LRBA: variants seen among roughly 807,000 people sequenced by gnomAD.
LRBA encodes lipopolysaccharide-responsive and beige-like anchor protein.
In LRBA, 176 loss-of-function variants were observed where a neutral mutation model predicts 330.0. That is an observed-to-expected ratio of 0.53 (90% CI 0.47 to 0.60). The LOEUF (loss-of-function observed/expected upper bound fraction) is 0.60, where lower values mean the gene tolerates loss of function less well. Among genes scored for constraint, LRBA ranks in the 20% least tolerant of loss-of-function variants. LRBA has a pLI of 0.00. For synonymous variants in LRBA, 1,230 were observed against 1,193.0 expected, an observed-to-expected ratio of 1.03 and a Z score of -0.64; for missense variants, 3,259 against 3,444.8, an observed-to-expected ratio of 0.95 and a Z score of 1.35.
chr4:150,415,046 A>G (rs1747540533), intron 47 of LRBA, among the ~76,000 whole-genome samples: 1 of 152,344 alleles, frequency 6.6e-6, no homozygotes, highest in East Asian at 1.9e-4. Flanking sequence ...GATACAGGAC[A>G]TAATTTGAAA....
intron 37 of LRBA, among the ~76,000 whole-genome samples, chr4:150,608,617 A>G (rs1320009638): frequency 6.6e-6 from 1 of 152,232 alleles, no homozygotes; most frequent in Non-Finnish European, 1.5e-5. Flanking sequence ...TGTATACACC[A>G]TAATGCTCAC....
At chr4:150,489,321 A>ATATATTATATATAAGAATATATAT (rs1561250792) in intron 41 of LRBA, among the ~76,000 whole-genome samples, 1 of 20,452 alleles carries the variant, frequency 4.9e-5, no homozygotes, top group East Asian at 1.4e-3. Flanking sequence ...AGAATATATA[A>ATATATTATATATAAGAATATATAT]AATATATTAC....
chr4:150,857,969 G>C (rs1474739211), intron 22 of LRBA, among the ~76,000 whole-genome samples: 1 of 152,098 alleles, frequency 6.6e-6, no homozygotes, highest in African/African-American at 2.4e-5. Flanking sequence ...ATCACATTTT[G>C]TTAGCAAATA....
intron 53 of LRBA, among the ~76,000 whole-genome samples, chr4:150,287,257 C>A (rs942168535): frequency 2.0e-5 from 3 of 152,190 alleles, no homozygotes; most frequent in African/African-American, 7.2e-5. Context: ...CACTGGAAAC[C>A]TACTGTACTT....
At chr4:150,750,254 C>T (rs576064117) in intron 35 of LRBA, among the ~76,000 whole-genome samples, 1 of 152,254 alleles carries the variant, frequency 6.6e-6, no homozygotes, top group Admixed American at 6.5e-5. Flanking sequence ...TATGACAGCA[C>T]AGACTTATTC....
At chr4:150,723,775 G>T (rs1163774605) in intron 36 of LRBA, among the ~76,000 whole-genome samples, 2 of 152,200 alleles carry the variant, frequency 1.3e-5, no homozygotes, top group African/African-American at 4.8e-5. Flanking sequence ...CAAAGTCCAG[G>T]CTTAGGCTCT....
chr4:150,453,925 A>G (rs1033841642), intron 44 of LRBA, among the ~76,000 whole-genome samples: 2 of 152,138 alleles, frequency 1.3e-5, no homozygotes, highest in Admixed American at 6.5e-5. Context: ...TTTCACTTGA[A>G]TATTTCATGT....
intron 47 of LRBA, among the ~76,000 whole-genome samples, chr4:150,407,520 CAA>C (rs1172903563): frequency 1.3e-5 from 2 of 151,982 alleles, no homozygotes; most frequent in Non-Finnish European, 2.9e-5. Context: ...TAGTTAAACA[CAA>C]AAAACTAAGT....
At chr4:150,422,452 C>A (rs899934661) in intron 46 of LRBA, among the ~76,000 whole-genome samples, 1 of 151,508 alleles carries the variant, frequency 6.6e-6, no homozygotes, top group Admixed American at 6.6e-5. Context: ...AAAGGAAGAA[C>A]AACAACAACA....
intron 34 of LRBA, among the ~76,000 whole-genome samples, chr4:150,763,911 A>G (rs1209434575): frequency 6.6e-6 from 1 of 152,002 alleles, no homozygotes; most frequent in Non-Finnish European, 1.5e-5. Context: ...GCAAGTGATC[A>G]GCAAGAAGTA....
chr4:150,381,931 G>C (rs1353359006), intron 47 of LRBA, among the ~76,000 whole-genome samples: 1 of 152,122 alleles, frequency 6.6e-6, no homozygotes, highest in Non-Finnish European at 1.5e-5. Flanking sequence ...ATATTTTCAC[G>C]TGCCTTTTGG....
chr4:150,518,897 G>A (rs1334639776), intron 40 of LRBA, among the ~76,000 whole-genome samples: 1 of 152,114 alleles, frequency 6.6e-6, no homozygotes, highest in Non-Finnish European at 1.5e-5. Context: ...CTGGGGTACT[G>A]TGGGTTTGTT....
At chr4:150,503,312 C>T (rs568683765) in intron 40 of LRBA, among the ~76,000 whole-genome samples, 70 of 152,292 alleles carry the variant, frequency 4.6e-4, no homozygotes, top group African/African-American at 1.6e-3. Context: ...CCAGTAGGGG[C>T]GGACTGACAC....
intron 22 of LRBA, among the ~76,000 whole-genome samples, chr4:150,865,485 A>G (rs1236962947): frequency 1.3e-5 from 2 of 152,194 alleles, no homozygotes; most frequent in Non-Finnish European, 2.9e-5. Context: ...TTCTGTTTTA[A>G]ACAAAACTGA....
intron 47 of LRBA, among the ~76,000 whole-genome samples, chr4:150,386,768 T>A (rs1015971375): frequency 6.6e-6 from 1 of 152,178 alleles, no homozygotes; most frequent in African/African-American, 2.4e-5. Context: ...CATATTCCTT[T>A]GGGTATATAC....
chr4:150,985,224 C>T (rs1472230860), intron 2 of LRBA, among the ~76,000 whole-genome samples: 1 of 149,328 alleles, frequency 6.7e-6, no homozygotes, highest in Non-Finnish European at 1.5e-5. Flanking sequence ...CATCACTGCA[C>T]TCCAGCCTGG....
At chr4:150,921,722 C>G (rs1466301808) in intron 4 of LRBA, among the ~76,000 whole-genome samples, 1 of 151,848 alleles carries the variant, frequency 6.6e-6, no homozygotes, top group African/African-American at 2.4e-5. Flanking sequence ...GCCACCACAC[C>G]CAGCTAATTT....
intron 36 of LRBA, among the ~76,000 whole-genome samples, chr4:150,708,994 T>C (rs1216575575): frequency 6.6e-6 from 1 of 151,808 alleles, no homozygotes; most frequent in East Asian, 1.9e-4. Flanking sequence ...AATTCTACAC[T>C]AGTGGTCACA....
chr4:150,783,674 T>C (rs902058755), intron 34 of LRBA, among the ~76,000 whole-genome samples: 1 of 152,182 alleles, frequency 6.6e-6, no homozygotes, highest in Admixed American at 6.5e-5. Flanking sequence ...ACTCACTATC[T>C]ATAAAAGCCC....
Sources: allele counts gnomAD v4.1 joint callset (sites outside exome capture counted in the v4.1 genomes callset), GRCh38; gene constraint gnomAD v4.1.1; transcripts MANE v1.5; gene names NCBI Gene and HGNC (gene_info 2026-07-23, HGNC 2026-07-21).